The following TTC7A variants were observed in gnomAD, a reference collection of about 807,000 sequenced individuals.
The protein encoded by TTC7A is tetratricopeptide repeat domain 7A, also known as tetratricopeptide repeat protein 7A.
TTC7A carries 110 observed loss-of-function variants against 103.7 expected under a neutral mutation model. That is an observed-to-expected ratio of 1.06 (90% CI 0.91 to 1.24). The LOEUF (loss-of-function observed/expected upper bound fraction) is 1.24, where lower values mean the gene tolerates loss of function less well. Ranked by LOEUF, TTC7A falls within the 50% of genes most tolerant of loss-of-function variation. TTC7A has a pLI of 0.00. For missense variants in TTC7A, 1,340 were observed against 1,116.3 expected, an observed-to-expected ratio of 1.20 and a Z score of -2.86; for synonymous variants, 521 against 467.9, an observed-to-expected ratio of 1.11 and a Z score of -1.47.
At chr2:46,923,593 C>A (rs139776269) in intron 2 of TTC7A, among the ~76,000 whole-genome samples, 12 of 152,280 alleles carry the variant, frequency 7.9e-5, no homozygotes, top group Non-Finnish European at 1.5e-4. Context: ...TTGCAGTCTC[C>A]ATTAAAACTC....
chr2:47,012,534 C>G (rs996375307), intron 11 of TTC7A, among the ~76,000 whole-genome samples: 1 of 152,238 alleles, frequency 6.6e-6, no homozygotes, highest in African/African-American at 2.4e-5. Flanking sequence ...GGGCCAGGCT[C>G]TGGGTGCATG....
Position 46,920,776 on chromosome 2 carries a change from T to C in TTC7A, c.82+3499T>C, listed in dbSNP as rs192750815. ...CCTTCAAAGGCATTTTCATGATGAA[T>C]TTTATGTGGCAAACTTCTGAGGTCT... On this transcript the variant is annotated intron_variant, in intron 2 of 20. Coordinates refer to the TTC7A transcript ENST00000409245. Among the ~76,000 whole-genome samples, 14 of 152,290 alleles carry C rather than the reference T, an allele frequency of 9.2e-5. No homozygotes were observed. In the East Asian group the frequency reaches 2.3e-3, roughly 25 times the overall value.
At chr2:46,995,291 C>A in intron 8 of TTC7A, 92 bp downstream of exon 8, 1 of 1,261,508 alleles carries the variant, frequency 7.9e-7, no homozygotes, top group Non-Finnish European at 1.1e-6. Flanking sequence ...CGTGACCTAG[C>A]CAAACTCTGT....
intron 3 of TTC7A, among the ~76,000 whole-genome samples, chr2:46,962,303 G>T (rs981202483): frequency 6.6e-6 from 1 of 152,144 alleles, no homozygotes; most frequent in African/African-American, 2.4e-5. Context: ...TCCCTTGGTT[G>T]TTCAGCCTGC....
chr2:47,050,025 G>A lies in TTC7A; in HGVS notation c.1996G>A (p.Asp666Asn). The change falls in exon 17 of 20, where the codon GAT becomes AAT. Residue 666 changes from aspartate to asparagine, a missense_variant. By Grantham distance (23) the Asp-to-Asn change is conservative. Transcript: ENST00000319190. The part of the protein sequence containing the change: ...KQSGMHLTLP[D>N]AHDADSGSRR... ...GAGTGGCATGCACCTGACTTTGCCT[G>A]ATGCCCATGATGCAGACTCTGGTAA... The A allele has an allele frequency of 6.2e-7, 1 of 1,614,036 alleles. No homozygotes were observed.
At chr2:46,967,088 C>T (rs1290028012) in intron 3 of TTC7A, among the ~76,000 whole-genome samples, 1 of 152,020 alleles carries the variant, frequency 6.6e-6, no homozygotes, top group Non-Finnish European at 1.5e-5. Flanking sequence ...TGGCGCGTGC[C>T]TGTAATTCCA....
chr2:47,011,942 G>T (rs1170842167), intron 11 of TTC7A, among the ~76,000 whole-genome samples: 1 of 152,364 alleles, frequency 6.6e-6, no homozygotes, highest in East Asian at 1.9e-4. Flanking sequence ...CCTGCTTACT[G>T]CTCTCTGCAG....
chr2:47,054,198 A>G (rs1683130479), intron 18 of TTC7A: 1 of 984,186 alleles, frequency 1.0e-6, no homozygotes, highest in Non-Finnish European at 1.2e-6. Flanking sequence ...GGGTGCATGT[A>G]GCAGATCCAA....
chr2:47,009,724 G>A (rs1246088433), intron 10 of TTC7A, among the ~76,000 whole-genome samples: 1 of 151,988 alleles, frequency 6.6e-6, no homozygotes, highest in Non-Finnish European at 1.5e-5. Context: ...TAATTAATGG[G>A]GGGTTGCTTG....
chr2:46,936,830 G>A (rs531416688), upstream of TTC7A, among the ~76,000 whole-genome samples: 2 of 151,658 alleles, frequency 1.3e-5, no homozygotes, highest in East Asian at 1.9e-4. Flanking sequence ...ATTAGCATGA[G>A]CAAGCATACA....
intron 2 of TTC7A, among the ~76,000 whole-genome samples, chr2:46,953,467 A>AT (rs1414171276): frequency 4.6e-5 from 7 of 151,986 alleles, no homozygotes; most frequent in African/African-American, 1.7e-4. Flanking sequence ...CATTTGTAGT[A>AT]TTTTCTATCT....
rs1257718203 is a variant in TTC7A at position 47,049,416 on chromosome 2, GGATCT to G, written c.1920-532_1920-528del. Among the ~76,000 whole-genome samples the G allele has an allele frequency of 9.9e-5, 15 of 152,032 alleles. 1 individual carries two copies. The highest frequency in any genetic ancestry group is 3.6e-4 in the African/African-American group (15 of 41,478). ...GGGACAAGGGTTGGGGGACAAGATG[GGATCT>G]CCAGGGGCTACCCCTGGAGATCTGC... On this transcript the variant is annotated intron_variant, in intron 16 of 19. Transcript: ENST00000319190.
At chr2:46,962,029 T>A (rs527688554) in intron 3 of TTC7A, among the ~76,000 whole-genome samples, 1 of 152,360 alleles carries the variant, frequency 6.6e-6, no homozygotes, top group South Asian at 2.1e-4. Context: ...CTCATGGCTG[T>A]GAGCCCTGTC....
At chr2:47,061,997 C>T (rs1198155602) in intron 19 of TTC7A, among the ~76,000 whole-genome samples, 5 of 152,192 alleles carry the variant, frequency 3.3e-5, no homozygotes, top group African/African-American at 1.2e-4. Flanking sequence ...GTATCCCTGA[C>T]GTCTTCTGGC....
chr2:46,955,313 C>T (rs2104004436), intron 2 of TTC7A, among the ~76,000 whole-genome samples: 1 of 152,356 alleles, frequency 6.6e-6, no homozygotes, highest in South Asian at 2.1e-4. Flanking sequence ...CCACATACCT[C>T]TGGGATGTGT....
chr2:46,995,113 G>C (rs774524314), intron 7 of TTC7A, 23 bp from the exon 8 acceptor site: 1 of 1,613,740 alleles, frequency 6.2e-7, no homozygotes, highest in Admixed American at 1.7e-5. Context: ...GCTCTAGCCA[G>C]GCCTGTCATT....
intron 2 of TTC7A, among the ~76,000 whole-genome samples, chr2:46,933,684 A>G (rs1022733118): frequency 2.0e-5 from 3 of 152,266 alleles, no homozygotes; most frequent in Admixed American, 1.3e-4. Flanking sequence ...AGCCATGCAC[A>G]TGACTACATA....
chr2:46,954,425 A>G (rs1034374228), intron 2 of TTC7A, among the ~76,000 whole-genome samples: 7 of 152,098 alleles, frequency 4.6e-5, no homozygotes, highest in Non-Finnish European at 8.8e-5. Flanking sequence ...AGTGCAGTGG[A>G]CTCTTAATGT....
chr2:47,062,315 G>A (rs1383448818), intron 19 of TTC7A, among the ~76,000 whole-genome samples: 3 of 152,154 alleles, frequency 2.0e-5, no homozygotes, highest in Non-Finnish European at 2.9e-5. Context: ...TATTACTCCC[G>A]CTGCCTGATT....
Sources: gnomAD v4.1 joint callset for allele counts (sites outside exome capture counted in the v4.1 genomes callset) on GRCh38, gnomAD v4.1.1 for gene constraint, MANE v1.5 for transcripts, NCBI Gene and HGNC (gene_info 2026-07-23, HGNC 2026-07-21) for gene names.